MICAL2: variants seen among roughly 807,000 people sequenced by gnomAD.
MICAL2 encodes the protein [F-actin]-monooxygenase MICAL2.
In MICAL2, 77 loss-of-function variants were observed where a neutral mutation model predicts 127.3. That is an observed-to-expected ratio of 0.60 (90% CI 0.50 to 0.73). The LOEUF (loss-of-function observed/expected upper bound fraction) is 0.73, where lower values mean the gene tolerates loss of function less well. Ranked by LOEUF, MICAL2 falls within the 30% of genes least tolerant of loss-of-function variation. The pLI, the probability that MICAL2 is intolerant of heterozygous loss-of-function variation, is 0.00. For missense variants in MICAL2, 1,351 were observed against 1,434.4 expected (o/e 0.94, Z 0.94); for synonymous variants, 570 against 551.1 (o/e 1.03, Z -0.48).
Position 12,301,414 on chromosome 11 carries a change from G to A in MICAL2, c.5212+6557G>A, listed in dbSNP as rs755926594. Among the ~76,000 whole-genome samples, 128 of 152,186 alleles carry A rather than the reference G, an allele frequency of 8.4e-4. 1 individual carries two copies. Among genetic ancestry groups the A allele is most frequent in the Non-Finnish European group, 1.7e-3 (118 of 68,038 alleles). ...CGTGCCTTCTGTTTTTGGGCATTGA[G>A]GTTGTTTTCAGTTGTTCTGATTGTG... On this transcript the variant is annotated intron_variant, in intron 29 of 34. Coordinates refer to the MICAL2 transcript ENST00000646065.
intron 3 of MICAL2, among the ~76,000 whole-genome samples, chr11:12,181,745 A>G (rs1255431544): frequency 6.6e-6 from 1 of 152,200 alleles, no homozygotes; most frequent in African/African-American, 2.4e-5. Flanking sequence ...CATTCAATAA[A>G]TCGCAACTGC....
chr11:12,161,554 T>TA (rs1854793760), intron 2 of MICAL2: 1 of 153,152 alleles, frequency 6.5e-6, no homozygotes, highest in African/African-American at 2.4e-5. Context: ...AGAAAGGCTT[T>TA]AAAGCTGGGT....
At chr11:12,123,235 C>G (rs1004178983) in intron 1 of MICAL2, among the ~76,000 whole-genome samples, 6 of 152,056 alleles carry the variant, frequency 3.9e-5, no homozygotes, top group African/African-American at 1.4e-4. Flanking sequence ...ATCACTCTTG[C>G]ATATATATAA....
chr11:12,126,741 C>T (rs771154382), intron 1 of MICAL2, among the ~76,000 whole-genome samples: 14 of 150,328 alleles, frequency 9.3e-5, no homozygotes, highest in Admixed American at 4.0e-4. Context: ...AGGAGATTTT[C>T]GCAACAGTTC....
chr11:12,137,265 C>T (rs1425871647), intron 1 of MICAL2, among the ~76,000 whole-genome samples: 7 of 124,448 alleles, frequency 5.6e-5, no homozygotes, highest in East Asian at 4.9e-4. Flanking sequence ...TCGCCAGGCT[C>T]GCCCGGTGTG....
chr11:12,210,584 GTCA>G (rs1380812106), intron 6 of MICAL2, among the ~76,000 whole-genome samples: 2 of 152,170 alleles, frequency 1.3e-5, no homozygotes, highest in African/African-American at 2.4e-5. Context: ...CCAACCATAG[GTCA>G]TCAATATCTG....
chr11:12,345,004 C>T (rs532487133), intron 32 of MICAL2, among the ~76,000 whole-genome samples: 14 of 150,860 alleles, frequency 9.3e-5, no homozygotes, highest in South Asian at 4.2e-4. Flanking sequence ...CCCAGCTACT[C>T]GGGAGGCTGA....
downstream of MICAL2, chr11:12,293,523 A>C: frequency 6.5e-7 from 1 of 1,534,140 alleles, no homozygotes; most frequent in Non-Finnish European, 8.8e-7. Flanking sequence ...AATGATGAAA[A>C]TTTTTAAATA....
chr11:12,313,814 G>GT (rs1864201363), intron 29 of MICAL2, among the ~76,000 whole-genome samples: 1 of 151,948 alleles, frequency 6.6e-6, no homozygotes, highest in Non-Finnish European at 1.5e-5. Context: ...TTCTAGTTAA[G>GT]TAAGTTTTTG....
rs187845146 is a variant in MICAL2, at chr11:12,328,811, G to A, written c.5515+1545G>A. 8.6e-3 allele frequency among the ~76,000 whole-genome samples: 1,302 copies of A among 152,274 alleles called. 7 individuals are homozygous for A. Among genetic ancestry groups the A allele is most frequent in the Non-Finnish European group, 0.015 (999 of 68,020 alleles). On this transcript the variant is annotated intron_variant, in intron 32 of 34. Transcript: ENST00000646065. ...TTTAAGAGTCCAGTTACATGAGAGCGATGAAACTAGCAGGTGCAGACCCAG... is the reference window on the plus strand; with the variant it reads ...TTTAAGAGTCCAGTTACATGAGAGCAATGAAACTAGCAGGTGCAGACCCAG...
intron 3 of MICAL2, among the ~76,000 whole-genome samples, chr11:12,176,752 A>G (rs1856887685): frequency 6.6e-6 from 1 of 152,068 alleles, no homozygotes; most frequent in South Asian, 2.1e-4. Context: ...TGACTGTCTT[A>G]TTTCCCTTAG....
At chr11:12,152,240 G>A (rs1254238687) in intron 2 of MICAL2, among the ~76,000 whole-genome samples, 1 of 122,744 alleles carries the variant, frequency 8.1e-6, no homozygotes, top group Non-Finnish European at 1.6e-5. Flanking sequence ...GGAGGTTGCA[G>A]TAAGCCAAGA....
chr11:12,319,565 G>C, intron 29 of MICAL2: 1 of 656,890 alleles, frequency 1.5e-6, no homozygotes. Flanking sequence ...TCATGCTCAC[G>C]GCAGGTGCAG....
At chr11:12,236,119 G>A (rs956858708) in intron 15 of MICAL2, 58 bp from the exon 16 acceptor site, 101 of 1,464,546 alleles carry the variant, frequency 6.9e-5, no homozygotes, top group Non-Finnish European at 8.8e-5. Context: ...AGGGATCTTA[G>A]TGGGACTGAA....
chr11:12,194,479 A>G (rs922705387), intron 3 of MICAL2, among the ~76,000 whole-genome samples: 1 of 152,202 alleles, frequency 6.6e-6, no homozygotes, highest in African/African-American at 2.4e-5. Context: ...GGCAGAAATG[A>G]ACTGCTCTAT....
At chr11:12,162,722 G>A (rs576126383) in intron 3 of MICAL2, among the ~76,000 whole-genome samples, 5 of 152,332 alleles carry the variant, frequency 3.3e-5, no homozygotes, top group Non-Finnish European at 7.3e-5. Context: ...ACTTCTAGTA[G>A]CTGCTATTTG....
chr11:12,154,023 T>G (rs1295285176), intron 2 of MICAL2, among the ~76,000 whole-genome samples: 1 of 152,050 alleles, frequency 6.6e-6, no homozygotes, highest in Non-Finnish European at 1.5e-5. Context: ...AGATTTGGGT[T>G]GGAGATTTGG....
chr11:12,245,283 C>G (rs1486895276), intron 21 of MICAL2, among the ~76,000 whole-genome samples: 3 of 152,218 alleles, frequency 2.0e-5, no homozygotes, highest in Admixed American at 6.5e-5. Flanking sequence ...CACCGAGGCT[C>G]TGTGTGTCAT....
chr11:12,163,681 T>C (rs2133816823), intron 3 of MICAL2: 1 of 152,204 alleles, frequency 6.6e-6, no homozygotes, highest in East Asian at 1.9e-4. Flanking sequence ...GCAGAGGAGA[T>C]GGGGGAGGTA....
Sources: allele counts gnomAD v4.1 joint callset (sites outside exome capture counted in the v4.1 genomes callset), GRCh38; gene constraint gnomAD v4.1.1; transcripts MANE v1.5; gene names NCBI Gene and HGNC (gene_info 2026-07-23, HGNC 2026-07-21).